AGBL4: variants seen among roughly 807,000 people sequenced by gnomAD.
The protein encoded by AGBL4 is AGBL carboxypeptidase 4, also known as cytosolic carboxypeptidase 6.
In AGBL4, 58 loss-of-function variants were observed where a neutral mutation model predicts 66.4. That is an observed-to-expected ratio of 0.87 (90% confidence interval 0.71 to 1.09). The LOEUF is 1.09. Ranked by LOEUF, AGBL4 falls within the 50% of genes least tolerant of loss-of-function variation. The probability of loss-of-function intolerance (pLI) is 0.00; values close to 1 mark genes in which losing one functional copy is unlikely to be tolerated. For missense variants in AGBL4, 579 were observed against 631.0 expected (o/e 0.92, Z 0.88); for synonymous variants, 234 against 222.9 (o/e 1.05, Z -0.44).
chr1:49,684,852 A>C (rs1230558844), intron 3 of AGBL4, among the ~76,000 whole-genome samples: 2 of 152,038 alleles, frequency 1.3e-5, no homozygotes, highest in Non-Finnish European at 2.9e-5. Context: ...ACTTTTATCT[A>C]TTTCCTGACA....
At chr1:48,746,254 C>T (rs1421605263) in intron 6 of AGBL4, among the ~76,000 whole-genome samples, 1 of 152,110 alleles carries the variant, frequency 6.6e-6, no homozygotes, top group Non-Finnish European at 1.5e-5. Flanking sequence ...TAGTCATTCA[C>T]TCCCTCTCCA....
chr1:48,605,845 C>T (rs910914038), intron 9 of AGBL4, among the ~76,000 whole-genome samples: 7 of 152,194 alleles, frequency 4.6e-5, no homozygotes, highest in African/African-American at 1.4e-4. Context: ...AGTGATACAA[C>T]GGGTAAAAAA....
intron 3 of AGBL4, among the ~76,000 whole-genome samples, chr1:49,502,335 A>G (rs1398748247): frequency 6.6e-6 from 1 of 152,112 alleles, no homozygotes; most frequent in Non-Finnish European, 1.5e-5. Flanking sequence ...AGTACTCCTT[A>G]ATAAACTCCT....
At chr1:49,468,187 G>A (rs1457866243) in intron 3 of AGBL4, among the ~76,000 whole-genome samples, 1 of 151,648 alleles carries the variant, frequency 6.6e-6, no homozygotes, top group Non-Finnish European at 1.5e-5. Context: ...TAAGGATTTT[G>A]GTACACATAA....
chr1:49,302,658 ATTTTAT>A (rs1644774865), intron 3 of AGBL4, among the ~76,000 whole-genome samples: 1 of 120,048 alleles, frequency 8.3e-6, no homozygotes, highest in African/African-American at 3.3e-5. Context: ...ATTTTATTTT[ATTTTAT>A]TTTATTTTAT....
chr1:49,596,148 T>C (rs1028699709), intron 3 of AGBL4, among the ~76,000 whole-genome samples: 5 of 152,166 alleles, frequency 3.3e-5, no homozygotes, highest in African/African-American at 1.2e-4. Context: ...CACAATAGCA[T>C]ACTTCTGCAG....
intron 2 of AGBL4, among the ~76,000 whole-genome samples, chr1:49,717,551 C>T (rs1648244812): frequency 6.6e-6 from 1 of 151,956 alleles, no homozygotes; most frequent in African/African-American, 2.4e-5. Context: ...TTAAATAATG[C>T]CAAATACCCT....
chr1:49,520,998 G>A (rs1830253), intron 3 of AGBL4, among the ~76,000 whole-genome samples: 3,414 of 151,686 alleles, frequency 0.023, 138 homozygotes, highest in African/African-American at 0.077. Flanking sequence ...TAGTAGACAC[G>A]GGGTTTCACC....
At chr1:48,614,735 G>T (rs913600985) in intron 9 of AGBL4, among the ~76,000 whole-genome samples, 2 of 152,084 alleles carry the variant, frequency 1.3e-5, no homozygotes, top group South Asian at 2.1e-4. Context: ...CAGCAAAAGA[G>T]AAAAATAACT....
chr1:49,485,453 G>A (rs1252282605), intron 3 of AGBL4, among the ~76,000 whole-genome samples: 2 of 111,494 alleles, frequency 1.8e-5, no homozygotes, highest in Non-Finnish European at 3.4e-5. Flanking sequence ...ACCGGGGTCT[G>A]TTGTGGGGTG....
intron 1 of AGBL4, among the ~76,000 whole-genome samples, chr1:49,891,402 C>A (rs750318553): frequency 2.6e-5 from 4 of 152,136 alleles, no homozygotes; most frequent in Non-Finnish European, 1.5e-5. Flanking sequence ...GGATGTTTAA[C>A]AATGACTACA....
intron 3 of AGBL4, among the ~76,000 whole-genome samples, chr1:49,633,931 A>G (rs1037090331): frequency 6.8e-6 from 1 of 146,420 alleles, no homozygotes; most frequent in Non-Finnish European, 1.5e-5. Flanking sequence ...TTTTATATAT[A>G]TTTTAATAAA....
chr1:49,564,249 A>G (rs1190584637), intron 3 of AGBL4, among the ~76,000 whole-genome samples: 2 of 152,118 alleles, frequency 1.3e-5, no homozygotes, highest in East Asian at 1.9e-4. Flanking sequence ...GATCTTTTCA[A>G]AAAACCAGCT....
At chr1:49,194,438 A>T (rs754641903) in intron 4 of AGBL4, among the ~76,000 whole-genome samples, 10 of 152,216 alleles carry the variant, frequency 6.6e-5, no homozygotes, top group Non-Finnish European at 1.0e-4. Flanking sequence ...TGTAAGCAGC[A>T]TATAATTGGA....
At chr1:49,483,769 A>G (rs1018281015) in intron 3 of AGBL4, among the ~76,000 whole-genome samples, 3 of 151,952 alleles carry the variant, frequency 2.0e-5, no homozygotes, top group African/African-American at 7.2e-5. Flanking sequence ...TGTTAAAAAA[A>G]AAAGAAACTT....
At chr1:49,310,231 G>A (rs1250680890) in intron 3 of AGBL4, among the ~76,000 whole-genome samples, 1 of 152,084 alleles carries the variant, frequency 6.6e-6, no homozygotes, top group African/African-American at 2.4e-5. Flanking sequence ...GTTATTTTAA[G>A]ATCTTTTGAT....
At chr1:48,708,734 G>A (rs1444615716) in intron 6 of AGBL4, among the ~76,000 whole-genome samples, 1 of 152,170 alleles carries the variant, frequency 6.6e-6, no homozygotes. Flanking sequence ...TCCAAAATAC[G>A]ATAGCCTCTG....
chr1:49,951,887 G>A (rs1006568460), intron 1 of AGBL4, among the ~76,000 whole-genome samples: 7 of 151,756 alleles, frequency 4.6e-5, no homozygotes, highest in African/African-American at 9.7e-5. Flanking sequence ...TGGTTATACC[G>A]CTACCTTATA....
At chr1:49,545,651 T>C (rs1211157295) in intron 3 of AGBL4, among the ~76,000 whole-genome samples, 1 of 152,224 alleles carries the variant, frequency 6.6e-6, no homozygotes, top group African/African-American at 2.4e-5. Flanking sequence ...TGAGTACCTG[T>C]AATGAAGTGC....
Sources: gnomAD v4.1 joint callset for allele counts (sites outside exome capture counted in the v4.1 genomes callset) on GRCh38, gnomAD v4.1.1 for gene constraint, MANE v1.5 for transcripts, NCBI Gene and HGNC (gene_info 2026-07-23, HGNC 2026-07-21) for gene names.